Variants in CNGA2 observed in about 807,000 individuals in gnomAD.
CNGA2 encodes cyclic nucleotide-gated channel alpha-2.
In CNGA2, 22 loss-of-function variants were observed where a neutral mutation model predicts 35.9. That is an observed-to-expected ratio of 0.61 (90% CI 0.44 to 0.88). CNGA2 has a LOEUF of 0.88. CNGA2 is among the 40% of genes least tolerant of loss of function. The pLI is 0.00. For missense variants in CNGA2, 555 were observed against 530.8 expected (o/e 1.05, Z -0.45); for synonymous variants, 217 against 209.2 (o/e 1.04, Z -0.32).
Position 151,743,941 on chromosome X carries a change from T to G in CNGA2, c.1438T>G (p.Tyr480Asp), listed in dbSNP as rs1425278801. Reference sequence around the variant, plus strand: ...TCCTCAGGTCTTCAGTCCTGGGGATTACATTTGCCGCAAAGGGGACATCGG... The same window carrying G: ...TCCTCAGGTCTTCAGTCCTGGGGATGACATTTGCCGCAAAGGGGACATCGG... Reference protein sequence around the residue: ...LRPQVFSPGDYICRKGDIGKE... With the variant: ...LRPQVFSPGDDICRKGDIGKE... Residue 480 changes from tyrosine to aspartate, a missense_variant, in exon 7 of 7, where the codon TAC becomes GAC. Physicochemically the swap from Tyr to Asp is radical, Grantham distance 160. Transcript: ENST00000329903. 9 of 1,209,050 alleles carry G rather than the reference T, an allele frequency of 7.4e-6. No individual in the cohort carries two copies. The highest frequency in any genetic ancestry group is 3.5e-5 in the African/African-American group (2 of 56,840).
intron 3 of CNGA2, among the ~76,000 whole-genome samples, chrX:151,739,149 G>A (rs931660102): frequency 1.8e-5 from 2 of 112,747 alleles, no homozygotes; most frequent in Non-Finnish European, 3.8e-5. Context: ...AGAGACCTAG[G>A]TAGAGGACCC....
At chrX:151,743,018 GTA>G (rs1569428398) in intron 6 of CNGA2, 73 bp from the exon 7 acceptor site, 1 of 4,026 alleles carries the variant, frequency 2.5e-4, no homozygotes, top group Non-Finnish European at 6.6e-4. Context: ...ACATATATAT[GTA>G]TATATATGCA....
intron 1 of CNGA2, 149 bp from the exon 2 acceptor site, chrX:151,738,309 A>C (rs1485843238): frequency 2.3e-6 from 1 of 440,585 alleles, no homozygotes; most frequent in Non-Finnish European, 3.9e-6. Flanking sequence ...GCTGAATCCC[A>C]CTGCCCTGAC....
chrX:151,740,650 G>A (rs1313385028), intron 4 of CNGA2, 144 bp from the exon 5 acceptor site: 2 of 489,527 alleles, frequency 4.1e-6, no homozygotes, highest in Non-Finnish European at 7.2e-6. Flanking sequence ...TGAAAAATGT[G>A]GCCCTCAGCC....
chrX:151,739,419 C>T (rs1323424384), intron 3 of CNGA2, 143 bp from the exon 4 acceptor site: 18 of 677,123 alleles, frequency 2.7e-5, no homozygotes, highest in Middle Eastern at 4.6e-4. Flanking sequence ...TTTTAGCACA[C>T]GGGAAATCAT....
intron 6 of CNGA2, 52 bp from the exon 7 acceptor site, chrX:151,743,029 CACATATATATGT>C (rs2015330786): frequency 9.4e-6 from 3 of 318,313 alleles, no homozygotes; most frequent in Non-Finnish European, 1.0e-5. Context: ...TATATATATG[CACATATATATGT>C]ATATATATAC....
rs1436779071 is a variant in CNGA2 at position 151,744,205 on chromosome X, A to G, written c.1702A>G (p.Lys568Glu). The change falls in exon 7 of 7, where the codon AAA becomes GAA. Residue 568 changes from lysine to glutamate, a missense_variant. Transcript: ENST00000329903. Reference protein sequence around the residue: ...EAVTEYPDAKKVLEERGREIL... With the variant: ...EAVTEYPDAKEVLEERGREIL... ...TGTGACTGAGTACCCTGATGCCAAG[A>G]AAGTCCTAGAAGAGAGGGGTCGGGA... 4.1e-6 allele frequency: 5 copies of G among 1,210,781 alleles called. No individual in the cohort carries two copies. Among genetic ancestry groups the G allele is most frequent in the Non-Finnish European group, 5.6e-6 (5 of 895,370 alleles).
intron 1 of CNGA2, among the ~76,000 whole-genome samples, chrX:151,737,982 G>C (rs1363269808): frequency 9.4e-6 from 1 of 106,197 alleles, no homozygotes; most frequent in African/African-American, 3.4e-5. Flanking sequence ...TTAGGGAAAA[G>C]GGAAGCTACT....
At chrX:151,736,708 G>A (rs898561937) in intron 1 of CNGA2, among the ~76,000 whole-genome samples, 3 of 110,765 alleles carry the variant, frequency 2.7e-5, no homozygotes, top group Non-Finnish European at 5.7e-5. Context: ...GCTCAGGGAC[G>A]GGTCTGTTTC....
chrX:151,743,098 C>T lies in CNGA2; in HGVS notation c.595C>T (p.Leu199=). 8.8e-7 allele frequency: 1 copy of T among 1,139,867 alleles called. No homozygotes were observed. Among genetic ancestry groups the T allele is most frequent in the African/African-American group, 2.1e-5 (1 of 48,160 alleles). The allele number at this position is 1,139,867 out of a possible 1,213,427, so 93.9% of individuals were successfully genotyped here. A position where few individuals can be genotyped will look rare whatever the true frequency, so the allele number is the denominator to read the frequency against. The change falls in exon 7 of 7, where the codon CTG becomes TTG. Residue 199 remains leucine (L), a synonymous_variant. Transcript: ENST00000329903. ...CTGGCTTTCATCTCTACTAGGTTTCCTGGAGCAGGGGCTGCTGGTCAAAGA... is the reference window on the plus strand; with the variant it reads ...CTGGCTTTCATCTCTACTAGGTTTCTTGGAGCAGGGGCTGCTGGTCAAAGA... ...DLFIRLRTGF[L]EQGLLVKDTK...
chrX:151,745,358 A>C lies in CNGA2; in HGVS notation c.*860A>C, dbSNP rs753926496. On this transcript the variant is annotated 3_prime_UTR_variant, in exon 7 of 7. Transcript: ENST00000329903. ...TCACATTCTCTCCCTCCCTTCATTAATCCCTCTCTTTTCACCATATGGTTG... is the reference window on the plus strand; with the variant it reads ...TCACATTCTCTCCCTCCCTTCATTACTCCCTCTCTTTTCACCATATGGTTG... 1 of 111,494 alleles carries C rather than the reference A, an allele frequency of 9.0e-6. No homozygotes were observed. Among genetic ancestry groups the C allele is most frequent in the African/African-American group, 3.3e-5 (1 of 30,640 alleles). 9.2% of individuals were successfully genotyped at this position (111,494 alleles called of 1,213,427 possible).
chrX:151,742,509 G>T (rs754013849), intron 5 of CNGA2, 27 bp from the exon 6 acceptor site: 1 of 1,147,674 alleles, frequency 8.7e-7, no homozygotes, highest in Non-Finnish European at 1.2e-6. Flanking sequence ...GGCTTTGGGG[G>T]TGAAGCTTAG....
rs1170040223 is a variant in CNGA2, at chrX:151,744,758, G to A, written c.*260G>A. The A allele has an allele frequency of 3.2e-6, 1 of 314,239 alleles. No homozygotes were observed. Among genetic ancestry groups the A allele is most frequent in the Non-Finnish European group, 5.6e-6 (1 of 180,143 alleles). 25.9% of individuals were successfully genotyped at this position (314,239 alleles called of 1,213,427 possible). ...CCTAAGTCTGAGGAAGGGAGAAGGG[G>A]GCAGCTGTCTGCCAGGAGTCTGGCT... On this transcript the variant is annotated 3_prime_UTR_variant, in exon 7 of 7. Transcript: ENST00000329903.
At chrX:151,735,021 A>G (rs939368837) in intron 1 of CNGA2, among the ~76,000 whole-genome samples, 78 bp downstream of exon 1, 4 of 111,727 alleles carry the variant, frequency 3.6e-5, no homozygotes, top group Non-Finnish European at 5.6e-5. Context: ...TCTTGGCTAT[A>G]TGATGAACTT....
intron 1 of CNGA2, among the ~76,000 whole-genome samples, chrX:151,737,492 C>T (rs2015259679): frequency 8.9e-6 from 1 of 111,840 alleles, no homozygotes; most frequent in Admixed American, 9.4e-5. Flanking sequence ...TTGCTCCCCA[C>T]ATCCACTCCT....
rs1370886456 is a variant in CNGA2 at position 151,738,469 on chromosome X, G to A, written c.-15G>A. 8.4e-7 allele frequency: 1 copy of A among 1,188,859 alleles called. No individual in the cohort carries two copies. Among genetic ancestry groups the A allele is most frequent in the Non-Finnish European group, 1.1e-6 (1 of 875,647 alleles). ...CCTCTTCCTGGCAGATAAGTGCTCT[G>A]GTTGTACATGGAGGATGACCGAAAA... On this transcript the variant is annotated 5_prime_UTR_variant, in exon 2 of 7. Coordinates refer to ENST00000329903, the MANE Select transcript of CNGA2 (RefSeq NM_005140.3).
In CNGA2 at chrX:151,739,718, G is replaced by A. The variant is rs372079192; in HGVS notation, c.360G>A (p.Glu120=). The change falls in exon 4 of 7, where the codon GAG becomes GAA. Residue 120 remains glutamate, a synonymous_variant. Coordinates refer to ENST00000329903, the MANE Select transcript of CNGA2 (RefSeq NM_005140.3). The part of the protein sequence containing the change: ...EGDGKGDKDG[E]DKGTKKKFEL... ...ATGGCAAAGGCGACAAGGATGGCGA[G>A]GACAAAGGCACCAAGTACAGCTGTT... 1 of 1,209,497 alleles carries A rather than the reference G, an allele frequency of 8.3e-7. No homozygotes were observed. Among genetic ancestry groups the A allele is most frequent in the African/African-American group, 1.8e-5 (1 of 57,127 alleles).
rs757798666 is a variant in CNGA2 at position 151,744,281 on chromosome X, T to C, written c.1778T>C (p.Met593Thr). 2.5e-6 allele frequency: 3 copies of C among 1,210,528 alleles called. No individual in the cohort carries two copies. The highest frequency in any genetic ancestry group is 2.2e-5 in the Admixed American group (1 of 45,927). The change falls in exon 7 of 7, where the codon ATG (methionine) becomes ACG (threonine). Residue 593 changes from methionine to threonine, a missense_variant. By Grantham distance (81) the Met-to-Thr change is moderately conservative. Transcript: ENST00000329903. ...LLDENEVATS[M>T]EVDVQEKLGQ... is the part of the protein sequence containing the mutation. ...GATGAGAACGAAGTGGCAACCAGCA[T>C]GGAGGTCGACGTGCAGGAGAAGCTA...
chrX:151,743,788 C>A lies in CNGA2; in HGVS notation c.1285C>A (p.Leu429Ile), dbSNP rs1223683140. Residue 429 changes from leucine to isoleucine, a missense_variant, in exon 7 of 7, where the codon CTC becomes ATC. Physicochemically the swap from Leu to Ile is conservative, Grantham distance 5. Transcript: ENST00000329903. ...NKKTVDEREI[L>I]KNLPAKLRAE... ...GAAGACAGTGGATGAGCGAGAAATT[C>A]TCAAGAATCTGCCAGCCAAGCTCAG... The A allele has an allele frequency of 1.2e-5, 15 of 1,209,825 alleles. No individual in the cohort carries two copies. The highest frequency in any genetic ancestry group is 1.6e-5 in the Non-Finnish European group (14 of 895,280).
Sources: allele counts gnomAD v4.1 joint callset (sites outside exome capture counted in the v4.1 genomes callset), GRCh38; gene constraint gnomAD v4.1.1; transcripts MANE v1.5; gene names NCBI Gene and HGNC (gene_info 2026-07-23, HGNC 2026-07-21).